GABBR2: variants seen among roughly 807,000 people sequenced by gnomAD.
GABBR2 encodes the protein gamma-aminobutyric acid type B receptor subunit 2, also known as G-protein coupled receptor 51.
In GABBR2, 23 loss-of-function variants were observed where a neutral mutation model predicts 105.6. The ratio of observed to expected loss-of-function variants is 0.22; its 90% CI spans 0.16 to 0.31. The LOEUF (loss-of-function observed/expected upper bound fraction) is 0.31, where lower values mean the gene tolerates loss of function less well. Ranked by LOEUF, GABBR2 falls within the 10% of genes least tolerant of loss-of-function variation. GABBR2 has a pLI of 1.00. For synonymous variants in GABBR2, 478 were observed against 499.7 expected (o/e 0.96, Z 0.58); for missense variants, 734 against 1,245.5 (o/e 0.59, Z 6.18).
At chr9:98,572,860 C>G (rs1428464473) in intron 2 of GABBR2, among the ~76,000 whole-genome samples, 2 of 150,778 alleles carry the variant, frequency 1.3e-5, no homozygotes, top group Admixed American at 1.3e-4. Context: ...CAGTTCCAAG[C>G]CCCCCCAGCA....
chr9:98,595,295 G>A (rs985835100), intron 1 of GABBR2, among the ~76,000 whole-genome samples: 5 of 151,950 alleles, frequency 3.3e-5, no homozygotes, highest in African/African-American at 1.2e-4. Flanking sequence ...CCACCCTCGT[G>A]ACCTAATCAC....
At chr9:98,390,375 CA>C (rs61216428) in intron 9 of GABBR2, among the ~76,000 whole-genome samples, 390 of 32,412 alleles carry the variant, frequency 0.012, no homozygotes, top group East Asian at 0.042. Flanking sequence ...CTCCATCTCA[CA>C]AAAAAAAAAA....
Position 98,420,270 on chromosome 9 carries a change from G to T in GABBR2, c.1237-14129C>A, listed in dbSNP as rs114568336. On this transcript the variant is annotated intron_variant, in intron 7 of 18. Coordinates refer to ENST00000259455, the MANE Select transcript of GABBR2 (RefSeq NM_005458.8). The stretch of plus-strand genomic sequence containing the variant: ...CTCCAGCCAGCAGAGGAGCCCCTCC[G>T]TTGTCCCATGCCTGGCTCAGCCCCA... 5.7e-3 allele frequency among the ~76,000 whole-genome samples: 868 copies of T among 152,234 alleles called. 10 individuals are homozygous for T. The highest frequency in any genetic ancestry group is 0.02 in the African/African-American group (822 of 41,538).
At chr9:98,407,523 T>C (rs914401945) in intron 7 of GABBR2, among the ~76,000 whole-genome samples, 2 of 152,204 alleles carry the variant, frequency 1.3e-5, no homozygotes, top group Admixed American at 1.3e-4. Context: ...GGAGCTGTGA[T>C]TTTTATTTCG....
intron 1 of GABBR2, among the ~76,000 whole-genome samples, chr9:98,646,741 G>C (rs140293568): frequency 1.1e-3 from 175 of 152,236 alleles, no homozygotes; most frequent in African/African-American, 4.0e-3. Context: ...TTGCAGGATG[G>C]CTTACAATGG....
intron 13 of GABBR2, among the ~76,000 whole-genome samples, chr9:98,317,341 C>T (rs898917425): frequency 1.8e-4 from 28 of 152,100 alleles, no homozygotes; most frequent in African/African-American, 6.3e-4. Flanking sequence ...AGGAGAGCAG[C>T]TGGCCCGAGA....
intron 2 of GABBR2, among the ~76,000 whole-genome samples, chr9:98,558,073 C>T (rs1383030868): frequency 6.6e-6 from 1 of 151,968 alleles, no homozygotes; most frequent in Admixed American, 6.6e-5. Context: ...GGGGAATAGG[C>T]ACTATCAGAA....
At chr9:98,622,176 G>GT (rs1829679042) in intron 1 of GABBR2, among the ~76,000 whole-genome samples, 2 of 151,854 alleles carry the variant, frequency 1.3e-5, no homozygotes, top group Non-Finnish European at 2.9e-5. Context: ...GTTTTGCTTT[G>GT]TTTTTTGAGA....
chr9:98,558,330 C>T (rs1335476603), intron 2 of GABBR2, among the ~76,000 whole-genome samples: 2 of 152,012 alleles, frequency 1.3e-5, no homozygotes, highest in Admixed American at 6.6e-5. Context: ...GAACCTATGC[C>T]GTATCACCAG....
intron 13 of GABBR2, among the ~76,000 whole-genome samples, chr9:98,313,940 GTGGGACCTGGGGGTTCAGGCCATTT>G (rs1830676010): frequency 6.6e-6 from 1 of 152,162 alleles, no homozygotes; most frequent in Admixed American, 6.5e-5. Flanking sequence ...GCTAGGAGGG[GTGGGACCTGGGGGTTCAGGCCATTT>G]TTTGACCAGA....
chr9:98,487,758 AC>A (rs1827089009), intron 4 of GABBR2, among the ~76,000 whole-genome samples: 1 of 152,078 alleles, frequency 6.6e-6, no homozygotes, highest in Non-Finnish European at 1.5e-5. Flanking sequence ...AGCCTGGGTT[AC>A]AGAGTGAGAC....
At chr9:98,464,579 C>A (rs1826505962) in intron 6 of GABBR2, among the ~76,000 whole-genome samples, 1 of 152,100 alleles carries the variant, frequency 6.6e-6, no homozygotes, top group African/African-American at 2.4e-5. Flanking sequence ...AGTGCCTCTG[C>A]CAAGCCGCCC....
At chr9:98,564,709 C>G (rs1828725209) in intron 2 of GABBR2, among the ~76,000 whole-genome samples, 3 of 152,186 alleles carry the variant, frequency 2.0e-5, no homozygotes, top group Non-Finnish European at 4.4e-5. Flanking sequence ...TTCCTGAGCA[C>G]CTACTTGAGG....
chr9:98,519,442 A>G (rs1483869355), intron 3 of GABBR2, among the ~76,000 whole-genome samples: 2 of 152,266 alleles, frequency 1.3e-5, no homozygotes, highest in African/African-American at 2.4e-5. Context: ...CACATCCGTG[A>G]TAGACGGGAA....
intron 1 of GABBR2, among the ~76,000 whole-genome samples, chr9:98,680,945 T>A (rs1339203553): frequency 3.9e-5 from 6 of 152,200 alleles, no homozygotes; most frequent in Admixed American, 1.3e-4. Flanking sequence ...GAAGTTTACT[T>A]TATAAAAAAT....
intron 13 of GABBR2, among the ~76,000 whole-genome samples, chr9:98,326,238 G>A (rs1588103521): frequency 6.6e-6 from 1 of 152,280 alleles, no homozygotes; most frequent in Middle Eastern, 3.4e-3. Context: ...AGGTAGCTTT[G>A]GCACAGCAAA....
chr9:98,328,369 T>C (rs987318826), intron 13 of GABBR2, among the ~76,000 whole-genome samples: 1 of 152,196 alleles, frequency 6.6e-6, no homozygotes, highest in Non-Finnish European at 1.5e-5. Flanking sequence ...GTGACGTGGC[T>C]GATTTGAAAA....
intron 13 of GABBR2, among the ~76,000 whole-genome samples, chr9:98,315,799 G>C (rs1228842192): frequency 6.6e-6 from 1 of 152,244 alleles, no homozygotes; most frequent in Non-Finnish European, 1.5e-5. Context: ...AACTACTATA[G>C]ATCGGTGGGG....
chr9:98,514,846 G>C (rs548126435), intron 3 of GABBR2, among the ~76,000 whole-genome samples: 1 of 152,252 alleles, frequency 6.6e-6, no homozygotes, highest in South Asian at 2.1e-4. Flanking sequence ...CCCCATCCCT[G>C]CTCTTGTCTC....
Sources: gnomAD v4.1 joint callset for allele counts (sites outside exome capture counted in the v4.1 genomes callset) on GRCh38, gnomAD v4.1.1 for gene constraint, MANE v1.5 for transcripts, NCBI Gene and HGNC (gene_info 2026-07-23, HGNC 2026-07-21) for gene names.